TCF7L1: variants seen among roughly 807,000 people sequenced by gnomAD.
TCF7L1 encodes the protein transcription factor 7-like 1.
In TCF7L1, 18 loss-of-function variants were observed where a neutral mutation model predicts 63.7. The ratio of observed to expected loss-of-function variants is 0.28; its 90% CI spans 0.20 to 0.42. The LOEUF (loss-of-function observed/expected upper bound fraction) is 0.42. TCF7L1 is among the 10% of genes least tolerant of loss of function. The probability of loss-of-function intolerance (pLI) is 1.00; values close to 1 mark genes in which losing one functional copy is unlikely to be tolerated. For missense variants in TCF7L1, 654 were observed against 779.3 expected (o/e 0.84, Z 1.91); for synonymous variants, 355 against 340.9 (o/e 1.04, Z -0.46).
chr2:85,291,211 G>A (rs1454528590), intron 4 of TCF7L1, among the ~76,000 whole-genome samples: 2 of 152,138 alleles, frequency 1.3e-5, no homozygotes, highest in Non-Finnish European at 1.5e-5. Flanking sequence ...TTGCAATGAG[G>A]CTAGGCTGAG....
At chr2:85,149,297 A>ATG (rs1677950643) in intron 3 of TCF7L1, among the ~76,000 whole-genome samples, 1 of 142,602 alleles carries the variant, frequency 7.0e-6, no homozygotes, top group African/African-American at 2.6e-5. Flanking sequence ...ATGTGTGTAT[A>ATG]TGTGTATATA....
intron 3 of TCF7L1, among the ~76,000 whole-genome samples, chr2:85,254,445 T>C (rs538188174): frequency 1.1e-4 from 16 of 152,332 alleles, no homozygotes; most frequent in South Asian, 4.1e-4. Context: ...TTTTCCTGCA[T>C]TGGGGGGGCT....
intron 3 of TCF7L1, among the ~76,000 whole-genome samples, chr2:85,235,197 G>A (rs1438168219): frequency 4.6e-5 from 7 of 152,138 alleles, no homozygotes; most frequent in Non-Finnish European, 2.9e-5. Context: ...CTTGGGTGGA[G>A]AAAGAAAGCA....
At chr2:85,297,349 G>C (rs1681855455) in intron 4 of TCF7L1, among the ~76,000 whole-genome samples, 1 of 152,154 alleles carries the variant, frequency 6.6e-6, no homozygotes, top group Non-Finnish European at 1.5e-5. Context: ...ACTTTCAGGA[G>C]CTCAGAAAGT....
chr2:85,256,259 C>T (rs918542001), intron 3 of TCF7L1, among the ~76,000 whole-genome samples: 1 of 151,032 alleles, frequency 6.6e-6, no homozygotes, highest in Non-Finnish European at 1.5e-5. Flanking sequence ...CCGAAGGCTG[C>T]TCTTTGTGTT....
At chr2:85,266,632 C>T (rs1573016858) in intron 3 of TCF7L1, among the ~76,000 whole-genome samples, 1 of 152,206 alleles carries the variant, frequency 6.6e-6, no homozygotes, top group Non-Finnish European at 1.5e-5. Context: ...AGCATGCTTC[C>T]GGTGGGGACT....
chr2:85,223,043 T>C (rs1361559528), intron 3 of TCF7L1, among the ~76,000 whole-genome samples: 1 of 152,124 alleles, frequency 6.6e-6, no homozygotes, highest in Non-Finnish European at 1.5e-5. Flanking sequence ...CCAGATTCAT[T>C]ATATTGTTCT....
rs1040105404 is a variant in TCF7L1, at chr2:85,137,664, G to A, written c.441+3214G>A. On this transcript the variant is annotated intron_variant, in intron 3 of 11. Coordinates refer to ENST00000282111, the MANE Select transcript of TCF7L1 (RefSeq NM_031283.3). ...TCCCAGCACTTTGGGAGGCCAAGGCGGGCGGATCACCTGAGGTCGGGAGTT... is the reference window on the plus strand; with the variant it reads ...TCCCAGCACTTTGGGAGGCCAAGGCAGGCGGATCACCTGAGGTCGGGAGTT... Among the ~76,000 whole-genome samples, 7 of 152,184 alleles carry A rather than the reference G, an allele frequency of 4.6e-5. 1 individual carries two copies. In the South Asian group the frequency reaches 1.2e-3, roughly 27 times the overall value.
chr2:85,237,026 G>A (rs1236383654), intron 3 of TCF7L1, among the ~76,000 whole-genome samples: 1 of 152,112 alleles, frequency 6.6e-6, no homozygotes, highest in Non-Finnish European at 1.5e-5. Context: ...ATAGGATGCT[G>A]AGATACCACC....
Position 85,133,678 on chromosome 2 carries a change from C to T in TCF7L1, c.-7C>T. 1.0e-6 allele frequency: 1 copy of T among 960,816 alleles called. No individual in the cohort carries two copies. Among genetic ancestry groups the T allele is most frequent in the African/African-American group, 1.8e-5 (1 of 55,974 alleles). The allele number at this position is 960,816 out of a possible 1,614,324, so 59.5% of individuals were successfully genotyped here. On this transcript the variant is annotated 5_prime_UTR_variant, in exon 1 of 12. Transcript: ENST00000282111. The surrounding 1 kb of genome is among the most constrained non-coding windows in gnomAD (Gnocchi z 4.4). ...CGAGAGCGGCGGCCCCGGCCCGCGG[C>T]CCCACCATGCCCCAGCTCGGCGGCG...
chr2:85,170,898 C>A (rs1678531133), intron 3 of TCF7L1, among the ~76,000 whole-genome samples: 2 of 152,154 alleles, frequency 1.3e-5, no homozygotes, highest in Admixed American at 1.3e-4. Context: ...CTAGGGACAT[C>A]TTGGAAAATG....
intron 3 of TCF7L1, among the ~76,000 whole-genome samples, chr2:85,175,021 T>C (rs1224800559): frequency 6.6e-6 from 1 of 152,242 alleles, no homozygotes; most frequent in Middle Eastern, 3.2e-3. Context: ...CCTTATGGCC[T>C]CAACCAAACC....
intron 3 of TCF7L1, among the ~76,000 whole-genome samples, chr2:85,235,568 T>G (rs1259232939): frequency 6.6e-6 from 1 of 151,998 alleles, no homozygotes; most frequent in Admixed American, 6.6e-5. Context: ...ATGGAGCTAA[T>G]CCCTACCTGC....
intron 3 of TCF7L1, among the ~76,000 whole-genome samples, chr2:85,280,803 T>G (rs1183963570): frequency 6.6e-6 from 1 of 152,098 alleles, no homozygotes; most frequent in Non-Finnish European, 1.5e-5. Context: ...TGTTTCTGGG[T>G]GGCCAGCCCC....
chr2:85,219,876 G>T (rs554616848), intron 3 of TCF7L1, among the ~76,000 whole-genome samples: 2 of 152,290 alleles, frequency 1.3e-5, no homozygotes, highest in South Asian at 4.1e-4. Flanking sequence ...TGAGGGTAAG[G>T]TGTTACAATG....
At position 85,294,723 on chromosome 2, in the gene TCF7L1, G is replaced by C. The variant is rs528313641; in HGVS notation, c.526-7761G>C. 2.0e-5 allele frequency among the ~76,000 whole-genome samples: 3 copies of C among 152,172 alleles called. No homozygotes were observed. In the South Asian group the frequency reaches 6.2e-4, roughly 32 times the overall value. ...ATGCCAATTCTCAAAAATATTCATT[G>C]GAATTTCCCTTTTACAACTGTACAT... is the stretch of plus-strand genomic sequence containing the variant. On this transcript the variant is annotated intron_variant, in intron 4 of 11. Transcript: ENST00000282111.
chr2:85,189,393 G>C (rs1678998233), intron 3 of TCF7L1, among the ~76,000 whole-genome samples: 1 of 152,256 alleles, frequency 6.6e-6, no homozygotes, highest in Non-Finnish European at 1.5e-5. Context: ...AGATGTACAT[G>C]ATGGGCACAT....
At chr2:85,147,037 A>G (rs1197400748) in intron 3 of TCF7L1, among the ~76,000 whole-genome samples, 1 of 152,160 alleles carries the variant, frequency 6.6e-6, no homozygotes, top group Non-Finnish European at 1.5e-5. Context: ...CTTAAATATC[A>G]TAGGTGAGAT....
intron 3 of TCF7L1, among the ~76,000 whole-genome samples, chr2:85,258,548 C>T (rs1680778985): frequency 6.6e-6 from 1 of 152,180 alleles, no homozygotes; most frequent in African/African-American, 2.4e-5. Flanking sequence ...AGATCAGGCT[C>T]TCTTACCACC....
Sources: allele counts gnomAD v4.1 joint callset (sites outside exome capture counted in the v4.1 genomes callset), GRCh38; gene constraint gnomAD v4.1.1; non-coding constraint Gnocchi (gnomAD v3.1); transcripts MANE v1.5; gene names NCBI Gene and HGNC (gene_info 2026-07-23, HGNC 2026-07-21).